GSDMC: variants seen among roughly 807,000 people sequenced by gnomAD.
GSDMC encodes gasdermin-C.
A neutral mutation model predicts 58.0 loss-of-function variants in GSDMC; 59 were observed. The observed-to-expected ratio is 1.02, with a 90% CI of 0.82 to 1.26. The LOEUF is 1.26. Among genes scored for constraint, GSDMC ranks in the 50% most tolerant of loss-of-function variants. The probability of loss-of-function intolerance (pLI) is 0.00; values close to 1 mark genes in which losing one functional copy is unlikely to be tolerated. For missense variants in GSDMC, 659 were observed against 598.5 expected (o/e 1.10, Z -1.06); for synonymous variants, 241 against 220.2 (o/e 1.09, Z -0.83).
In GSDMC at chr8:129,775,523, A is replaced by T. The variant is rs2034196256; in HGVS notation, c.404+579T>A. 2.0e-5 allele frequency among the ~76,000 whole-genome samples: 3 copies of T among 152,172 alleles called. No homozygotes were observed. In the South Asian group the frequency reaches 6.2e-4, roughly 32 times the overall value. ...TATTAAACGTTCTCACCACAAAAAA[A>T]ATGATAACTAGGTAAAGTAATAGAT... is the stretch of plus-strand genomic sequence containing the variant. On this transcript the variant is annotated intron_variant, in intron 3 of 13. Coordinates refer to ENST00000276708, the MANE Select transcript of GSDMC (RefSeq NM_031415.3).
rs1211927289 is a variant in GSDMC, at chr8:129,750,505, C to T, written c.1009G>A (p.Val337Ile). 6.2e-7 allele frequency: 1 copy of T among 1,613,914 alleles called. No individual in the cohort carries two copies. The highest frequency in any genetic ancestry group is 8.5e-7 in the Non-Finnish European group (1 of 1,179,776). The part of the protein sequence containing the change: ...IKTLAQLSKD[V>I]QDVMFYSILA... ...ATACTGTAGAACATGACATCCTGAACATCCTTTGAGAGCTGAGCCAGTGTC... is the reference window on the plus strand; with the variant it reads ...ATACTGTAGAACATGACATCCTGAATATCCTTTGAGAGCTGAGCCAGTGTC... Residue 337 changes from valine to isoleucine, a missense_variant, in exon 11 of 14, where the codon GTT becomes ATT. Val to Ile is a conservative substitution (Grantham distance 29, BLOSUM62 3). Coordinates refer to ENST00000276708, the MANE Select transcript of GSDMC (RefSeq NM_031415.3).
At chr8:129,751,016 A>C (rs1266812309) in intron 10 of GSDMC, among the ~76,000 whole-genome samples, 3 of 152,204 alleles carry the variant, frequency 2.0e-5, no homozygotes, top group Non-Finnish European at 4.4e-5. Flanking sequence ...TCACACCTGT[A>C]ATCCCAGCAC....
chr8:129,780,904 A>G (rs114444782), intron 1 of GSDMC, among the ~76,000 whole-genome samples: 2,173 of 150,232 alleles, frequency 0.014, 61 homozygotes, highest in African/African-American at 0.05. Flanking sequence ...CAAAGTTAGA[A>G]TGTAGAGTTT....
chr8:129,712,083 C>A, the GSDMC span, among the ~76,000 whole-genome samples: 1 of 152,068 alleles, frequency 6.6e-6, no homozygotes, highest in African/African-American at 2.4e-5. Context: ...ATAGCAAGAT[C>A]CTATCTCAAA....
chr8:129,706,713 A>G, the GSDMC span: 1 of 152,324 alleles, frequency 6.6e-6, no homozygotes, highest in Non-Finnish European at 1.5e-5. Flanking sequence ...ACTCCCCAAA[A>G]AGTTCATGGA....
At chr8:129,721,685 C>G in the GSDMC span, among the ~76,000 whole-genome samples, 2 of 152,164 alleles carry the variant, frequency 1.3e-5, no homozygotes, top group Non-Finnish European at 2.9e-5. Flanking sequence ...AAATATCACT[C>G]TCCATATTAC....
At chr8:129,739,308 G>C in the GSDMC span, among the ~76,000 whole-genome samples, 1 of 152,146 alleles carries the variant, frequency 6.6e-6, no homozygotes, top group Non-Finnish European at 1.5e-5. Flanking sequence ...GCAAGCAAGG[G>C]CAAATCCTGT....
Position 129,749,971 on chromosome 8 carries a change from TC to T in GSDMC, c.1213+18del. The T allele has an allele frequency of 6.4e-7, 1 of 1,569,028 alleles. No individual in the cohort carries two copies. Among genetic ancestry groups the T allele is most frequent in the South Asian group, 1.2e-5 (1 of 82,296 alleles). On this transcript the variant is annotated intron_variant, in intron 12 of 13. Coordinates refer to ENST00000276708, the MANE Select transcript of GSDMC (RefSeq NM_031415.3). ...ACCAATCTTGTGATTCTCCCATTCTTCCCTTTAATTACTCTTACCCATTATG... is the reference window on the plus strand; with the variant it reads ...ACCAATCTTGTGATTCTCCCATTCTTCCTTTAATTACTCTTACCCATTATG...
At chr8:129,751,423 C>T in intron 10 of GSDMC, 119 bp downstream of exon 10, 1 of 756,978 alleles carries the variant, frequency 1.3e-6, no homozygotes, top group Non-Finnish European at 2.2e-6. Context: ...GTTTCATGAG[C>T]AAAGTGCAAA....
At chr8:129,730,281 T>C in the GSDMC span, 1 of 1,368,222 alleles carries the variant, frequency 7.3e-7, no homozygotes, top group African/African-American at 1.5e-5. Context: ...AATAAGAACA[T>C]ATAATTTTCC....
intron 6 of GSDMC, among the ~76,000 whole-genome samples, chr8:129,758,588 A>G (rs1170343554): frequency 6.6e-6 from 1 of 152,212 alleles, no homozygotes; most frequent in African/African-American, 2.4e-5. Flanking sequence ...ACACTCTAAA[A>G]TAGAAATTTA....
chr8:129,722,230 G>A, the GSDMC span, among the ~76,000 whole-genome samples: 1 of 152,160 alleles, frequency 6.6e-6, no homozygotes, highest in Non-Finnish European at 1.5e-5. Flanking sequence ...TCGGGGAATA[G>A]CAATTTGCAA....
rs143364779 is a variant in GSDMC, at chr8:129,777,427, T to C, written c.161A>G (p.Asp54Gly). Residue 54 changes from aspartate to glycine, a missense_variant, in exon 2 of 14, where the codon GAC becomes GGC. Coordinates refer to ENST00000276708, the MANE Select transcript of GSDMC (RefSeq NM_031415.3). ...DSRSSFWEQSDYVPVEFSLND... is the reference protein window; with the variant it reads ...DSRSSFWEQSGYVPVEFSLND... Reference sequence around the variant, plus strand: ...GAGGGAGAATTCAACTGGAACATAGTCAGATTGTTCCCAAAATGATGAACG... The same window carrying C: ...GAGGGAGAATTCAACTGGAACATAGCCAGATTGTTCCCAAAATGATGAACG... 7 of 1,613,796 alleles carry C rather than the reference T, an allele frequency of 4.3e-6. No homozygotes were observed. The African/African-American group carries it at 8.0e-5, about 18-fold the overall frequency.
chr8:129,765,281 T>A (rs965258338), intron 4 of GSDMC, among the ~76,000 whole-genome samples: 1 of 152,168 alleles, frequency 6.6e-6, no homozygotes, highest in Non-Finnish European at 1.5e-5. Flanking sequence ...GTCCCTCATT[T>A]CTTCCAGCCA....
chr8:129,782,795 T>A (rs1370793786), intron 1 of GSDMC, among the ~76,000 whole-genome samples: 1 of 151,762 alleles, frequency 6.6e-6, no homozygotes, highest in Non-Finnish European at 1.5e-5. Context: ...GAAGAACTAA[T>A]ACCAATCCTA....
the GSDMC span, among the ~76,000 whole-genome samples, chr8:129,720,799 C>A: frequency 6.6e-6 from 1 of 152,194 alleles, no homozygotes; most frequent in Non-Finnish European, 1.5e-5. Flanking sequence ...GTGGGAAAAG[C>A]ATGCCTTCTA....
intron 5 of GSDMC, among the ~76,000 whole-genome samples, chr8:129,760,968 C>T (rs1275216110): frequency 6.6e-6 from 1 of 152,108 alleles, no homozygotes; most frequent in Non-Finnish European, 1.5e-5. Flanking sequence ...GTCTGAAATT[C>T]ACCTAACACT....
chr8:129,730,191 A>T, the GSDMC span: 1 of 1,195,974 alleles, frequency 8.4e-7, no homozygotes, highest in African/African-American at 1.5e-5. Flanking sequence ...AAAACTGTAC[A>T]ACATGTATCT....
chr8:129,721,095 T>A, the GSDMC span, among the ~76,000 whole-genome samples: 10 of 152,328 alleles, frequency 6.6e-5, no homozygotes, highest in Middle Eastern at 3.4e-3. Context: ...TTTCACTTTT[T>A]CTTCCTGAAT....
Sources: allele counts gnomAD v4.1 joint callset (sites outside exome capture counted in the v4.1 genomes callset), GRCh38; gene constraint gnomAD v4.1.1; transcripts MANE v1.5; gene names NCBI Gene and HGNC (gene_info 2026-07-23, HGNC 2026-07-21).